DNAH14: variants seen among roughly 807,000 people sequenced by gnomAD.
DNAH14 encodes axonemal beta dynein heavy chain 14.
Under a neutral mutation model 520.9 loss-of-function variants are expected in DNAH14, and 478 were observed. The ratio of observed to expected loss-of-function variants is 0.92; its 90% CI spans 0.85 to 0.99. DNAH14 has a LOEUF of 0.99. DNAH14 is among the 50% of genes least tolerant of loss of function. The pLI, the probability that DNAH14 is intolerant of heterozygous loss-of-function variation, is 0.00. For synonymous variants in DNAH14, 1,581 were observed against 1,757.2 expected, an observed-to-expected ratio of 0.90 and a Z score of 2.51; for missense variants, 4,831 against 5,234.5, an observed-to-expected ratio of 0.92 and a Z score of 2.38.
At chr1:225,382,479 G>A (rs1207164788) in intron 81 of DNAH14, among the ~76,000 whole-genome samples, 1 of 152,120 alleles carries the variant, frequency 6.6e-6, no homozygotes, top group East Asian at 1.9e-4. Flanking sequence ...GGCCAAGGTG[G>A]CGGATCACCT....
chr1:225,296,287 T>C (rs2094004154), intron 55 of DNAH14, among the ~76,000 whole-genome samples: 1 of 152,174 alleles, frequency 6.6e-6, no homozygotes, highest in African/African-American at 2.4e-5. Context: ...CTGGAACTCC[T>C]GGGCTCAAGA....
In DNAH14 at chr1:225,081,930, T is replaced by C. The variant is rs369508199; in HGVS notation, c.3137-619T>C. Among the ~76,000 whole-genome samples the C allele has an allele frequency of 2.6e-5, 4 of 152,186 alleles. No individual in the cohort carries two copies. The East Asian group carries it at 7.7e-4, about 29-fold the overall frequency. ...GTATTTTTTAATGAAATTGTAGTGA[T>C]GGTATATTTTTTCCCTTGATGTTCT... is the stretch of plus-strand genomic sequence containing the variant. On this transcript the variant is annotated intron_variant, in intron 19 of 85. Transcript: ENST00000682510.
intron 10 of DNAH14, among the ~76,000 whole-genome samples, chr1:225,007,824 T>C (rs988632894): frequency 2.0e-5 from 3 of 152,030 alleles, no homozygotes; most frequent in Non-Finnish European, 2.9e-5. Context: ...CTAAGGATGA[T>C]GATTCTCAAA....
chr1:225,374,542 T>C, intron 77 of DNAH14, 146 bp from the exon 78 acceptor site: 1 of 707,038 alleles, frequency 1.4e-6, no homozygotes, highest in Non-Finnish European at 2.2e-6. Flanking sequence ...ATTACAGGCG[T>C]GAGCCACTGC....
In DNAH14 at chr1:225,381,577, C is replaced by G; in HGVS notation, c.13075C>G (p.Gln4359Glu). 1 of 1,506,268 alleles carries G rather than the reference C, an allele frequency of 6.6e-7. No individual in the cohort carries two copies. Among genetic ancestry groups the G allele is most frequent in the African/African-American group, 1.4e-5 (1 of 70,566 alleles). 93.3% of individuals were successfully genotyped at this position (1,506,268 alleles called of 1,614,324 possible). Reference sequence around the variant, plus strand: ...TAATATGAGAGTGCCTACATTGTGGCAGGTAAGCAATTATTATTATTTCCT... The same window carrying G: ...TAATATGAGAGTGCCTACATTGTGGGAGGTAAGCAATTATTATTATTTCCT... ...FLNMRVPTLW[Q>E]KHAYRSCKPL... Residue 4359 changes from glutamine to glutamate, a missense_variant and splice_region_variant, in exon 81 of 86, where the codon CAG (glutamine) becomes GAG (glutamate). Physicochemically the swap from Gln to Glu is conservative, Grantham distance 29. Transcript: ENST00000682510.
intron 48 of DNAH14, among the ~76,000 whole-genome samples, chr1:225,265,899 G>T (rs931019870): frequency 1.3e-5 from 2 of 151,260 alleles, no homozygotes; most frequent in African/African-American, 4.9e-5. Context: ...TGATACAAAA[G>T]GGGAGAAACT....
At chr1:225,360,598 A>G (rs1209811628) in intron 74 of DNAH14, 83 bp from the exon 75 acceptor site, 2 of 1,239,342 alleles carry the variant, frequency 1.6e-6, no homozygotes, top group East Asian at 5.1e-5. Flanking sequence ...TCCCAACACT[A>G]CTCAATAAAT....
intron 11 of DNAH14, among the ~76,000 whole-genome samples, chr1:225,024,985 A>G (rs1258057287): frequency 6.6e-6 from 1 of 152,006 alleles, no homozygotes; most frequent in East Asian, 1.9e-4. Flanking sequence ...CTAGTATACT[A>G]ATTTATAGCT....
intron 6 of DNAH14, among the ~76,000 whole-genome samples, chr1:224,968,326 C>T (rs906810018): frequency 4.0e-5 from 6 of 149,776 alleles, no homozygotes; most frequent in African/African-American, 1.3e-4. Flanking sequence ...GAGAGAACTC[C>T]TTGATGAAGG....
At chr1:225,009,052 G>T (rs1212912884) in intron 10 of DNAH14, among the ~76,000 whole-genome samples, 1 of 152,120 alleles carries the variant, frequency 6.6e-6, no homozygotes, top group Non-Finnish European at 1.5e-5. Flanking sequence ...CTCCCATTCT[G>T]TAGGTTGCAT....
chr1:225,370,100 A>T (rs554378164), intron 77 of DNAH14, among the ~76,000 whole-genome samples: 256 of 151,918 alleles, frequency 1.7e-3, no homozygotes, highest in African/African-American at 5.7e-3. Context: ...GACCAGCCTG[A>T]CCAACGAGGA....
chr1:224,977,152 G>C (rs76109538), intron 8 of DNAH14, among the ~76,000 whole-genome samples: 8,356 of 152,072 alleles, frequency 0.055, 465 homozygotes, highest in East Asian at 0.23. Context: ...GGAATACTAT[G>C]CAGCCATAAA....
In DNAH14 at chr1:225,381,519, C is replaced by A; in HGVS notation, c.13017C>A (p.Thr4339=). 6.5e-7 allele frequency: 1 copy of A among 1,547,652 alleles called. No homozygotes were observed. Among genetic ancestry groups the A allele is most frequent in the Non-Finnish European group, 8.7e-7 (1 of 1,145,956 alleles). Residue 4339 remains threonine, a synonymous_variant, in exon 81 of 86, where the codon ACC becomes ACA. Coordinates refer to ENST00000682510, the MANE Select transcript of DNAH14 (RefSeq NM_001367479.1). ...QLAIKGEIIL[T]QELEEIFNSF... is the part of the protein sequence containing the mutation. ...CTATAAAAGGAGAGATCATCCTCAC[C>A]CAAGAATTGGAGGAAATATTTAACT...
chr1:225,259,002 CAAA>C (rs1213929737), intron 45 of DNAH14, 116 bp from the exon 46 acceptor site: 1 of 1,129,472 alleles, frequency 8.9e-7, no homozygotes, highest in East Asian at 3.1e-5. Context: ...AAGGGAAGAA[CAAA>C]AAAACACTTT....
chr1:224,936,928 G>A (rs1080260), intron 1 of DNAH14, among the ~76,000 whole-genome samples: 31,693 of 151,750 alleles, frequency 0.21, 4,438 homozygotes, highest in African/African-American at 0.39. Context: ...ACAAATCAGT[G>A]AATGTGATAC....
chr1:225,266,929 T>C (rs1211029133), intron 49 of DNAH14, among the ~76,000 whole-genome samples, 160 bp downstream of exon 49: 1 of 152,186 alleles, frequency 6.6e-6, no homozygotes, highest in Non-Finnish European at 1.5e-5. Flanking sequence ...ATATTAATCA[T>C]ATATTTGCAA....
rs1025584836 is a variant in DNAH14 at position 225,207,084 on chromosome 1, A to T, written c.6303A>T (p.Thr2101=). The change falls in exon 41 of 86, where the codon ACA becomes ACT. Residue 2101 remains threonine (T), a synonymous_variant. Transcript: ENST00000682510. ...AATTCATGATTAAAAATAGTGTCAC[A>T]GACGGACTACAATTTATAAGGAATC... ...CLEFMIKNSV[T]DGLQFIRNRQ... The T allele has an allele frequency of 1.3e-6, 2 of 1,551,006 alleles. No individual in the cohort carries two copies. The highest frequency in any genetic ancestry group is 1.7e-6 in the Non-Finnish European group (2 of 1,146,660).
intron 42 of DNAH14, among the ~76,000 whole-genome samples, chr1:225,231,965 G>C (rs665776): frequency 0.2 from 30,132 of 151,888 alleles, 3,130 homozygotes; most frequent in East Asian, 0.37. Flanking sequence ...ATATATACCA[G>C]TCAGCCATAG....
chr1:225,029,558 T>C (rs1304324236), intron 11 of DNAH14, among the ~76,000 whole-genome samples: 1 of 152,014 alleles, frequency 6.6e-6, no homozygotes, highest in East Asian at 1.9e-4. Context: ...TCTAATGTAG[T>C]TTACAGTCTA....
Sources: gnomAD v4.1 joint callset for allele counts (sites outside exome capture counted in the v4.1 genomes callset) on GRCh38, gnomAD v4.1.1 for gene constraint, MANE v1.5 for transcripts, NCBI Gene and HGNC (gene_info 2026-07-23, HGNC 2026-07-21) for gene names.